The following AGAP1 variants were observed in gnomAD, a reference collection of about 807,000 sequenced individuals.
The protein encoded by AGAP1 is ArfGAP with GTPase domain, ankyrin repeat and PH domain 1.
AGAP1 carries 29 observed loss-of-function variants against 105.3 expected under a neutral mutation model. The ratio of observed to expected loss-of-function variants is 0.28; its 90% CI spans 0.21 to 0.38. The LOEUF (loss-of-function observed/expected upper bound fraction) is 0.38. Ranked by LOEUF, AGAP1 falls within the 10% of genes least tolerant of loss-of-function variation. AGAP1 has a pLI of 1.00. For synonymous variants in AGAP1, 509 were observed against 485.9 expected (o/e 1.05, Z -0.63); for missense variants, 998 against 1,165.1 (o/e 0.86, Z 2.09).
intron 1 of AGAP1, among the ~76,000 whole-genome samples, chr2:235,605,001 C>T (rs1268780673): frequency 2.0e-5 from 3 of 152,078 alleles, no homozygotes; most frequent in Non-Finnish European, 4.4e-5. Flanking sequence ...GTGCCTCAGC[C>T]TCCCAAGTAG....
chr2:235,623,307 G>A lies in AGAP1; in HGVS notation c.164-85872G>A, dbSNP rs547567062. ...TGTTGGGCATGTCAAATGAATCTGGGCGTTAGCCTACAAATCAAGATTTGC... is the reference window on the plus strand; with the variant it reads ...TGTTGGGCATGTCAAATGAATCTGGACGTTAGCCTACAAATCAAGATTTGC... On this transcript the variant is annotated intron_variant, in intron 1 of 17. Coordinates refer to ENST00000304032, the MANE Select transcript of AGAP1 (RefSeq NM_001037131.3). This position sits in a 1 kb window ranked among gnomAD's most constrained non-coding sequence, Gnocchi z 4.5. Among the ~76,000 whole-genome samples the A allele has an allele frequency of 5.3e-5, 8 of 152,320 alleles. No homozygotes were observed. In the East Asian group the frequency reaches 1.5e-3, roughly 29 times the overall value.
At chr2:236,091,452 C>T (rs1263014145) in intron 16 of AGAP1, among the ~76,000 whole-genome samples, 2 of 152,156 alleles carry the variant, frequency 1.3e-5, no homozygotes, top group Non-Finnish European at 2.9e-5. Context: ...CCAGCAGGTG[C>T]ACTATTAGGC....
chr2:235,725,795 ATG>A lies in AGAP1; in HGVS notation c.310+8158_310+8159del, dbSNP rs1172058061. Among the ~76,000 whole-genome samples the A allele has an allele frequency of 1.3e-5, 2 of 152,166 alleles. No individual in the cohort carries two copies. Among genetic ancestry groups the A allele is most frequent in the African/African-American group, 4.8e-5 (2 of 41,418 alleles). On this transcript the variant is annotated intron_variant, in intron 3 of 17. Coordinates refer to ENST00000304032, the MANE Select transcript of AGAP1 (RefSeq NM_001037131.3). The surrounding 1 kb of genome is among the most constrained non-coding windows in gnomAD (Gnocchi z 5.7). ...CATTCCCCTTTGTTCTTGTCTTCCT[ATG>A]TGTGTGACAGTCCCTAACTTGACCC...
rs2149270995 is a variant in AGAP1, at chr2:235,621,486, T to TA, written c.164-87692dup. On this transcript the variant is annotated intron_variant, in intron 1 of 17. Transcript: ENST00000304032. The surrounding 1 kb of genome is among the most constrained non-coding windows in gnomAD (Gnocchi z 4.1). ...CTGCCATTGGCGTTGGCACCATTCT[T>TA]ACCTCCTATACCTACGAGGCTGTCA... 6.6e-6 allele frequency among the ~76,000 whole-genome samples: 1 copy of TA among 152,330 alleles called. No homozygotes were observed. The highest frequency in any genetic ancestry group is 1.9e-4 in the East Asian group (1 of 5,170).
intron 12 of AGAP1, among the ~76,000 whole-genome samples, chr2:235,937,990 G>A (rs779872319): frequency 6.6e-6 from 1 of 152,260 alleles, no homozygotes; most frequent in Non-Finnish European, 1.5e-5. Context: ...CCCAAAGAAA[G>A]GAAAGCCGGT....
Position 235,908,744 on chromosome 2 carries a change from A to C in AGAP1, c.1162A>C (p.Met388Leu). 1 of 1,607,078 alleles carries C rather than the reference A, an allele frequency of 6.2e-7. No individual in the cohort carries two copies. Among genetic ancestry groups the C allele is most frequent in the South Asian group, 1.1e-5 (1 of 90,694 alleles). ...TGTTTAACATTTTCAACAGGATTAC[A>C]TGCAGAATGTTCATGGTAAGGAGAT... ...LTYHPSLHDYMQNVHGKEIDL... is the reference protein window; with the variant it reads ...LTYHPSLHDYLQNVHGKEIDL... The change falls in exon 11 of 18, where the codon ATG becomes CTG. Residue 388 changes from methionine (M) to leucine (L), a missense_variant. Around this residue, in one of 3 missense-constraint regions of AGAP1, gnomAD observed 735 missense variants for 833.4 expected, o/e 0.88. Coordinates refer to ENST00000304032, the MANE Select transcript of AGAP1 (RefSeq NM_001037131.3). The surrounding 1 kb of genome is among the most constrained non-coding windows in gnomAD (Gnocchi z 4.4).
rs1192332560 is a variant in AGAP1 at position 235,610,635 on chromosome 2, AC to A, written c.164-98543del. Among the ~76,000 whole-genome samples, 1 of 152,112 alleles carries A rather than the reference AC, an allele frequency of 6.6e-6. No homozygotes were observed. Among genetic ancestry groups the A allele is most frequent in the Admixed American group, 6.5e-5 (1 of 15,272 alleles). Reference sequence around the variant, plus strand: ...TCGCATTGGGGGTTGAGCTTTAAATACAAATTTCAGGAGAGCTCAATACAGC... The same window carrying A: ...TCGCATTGGGGGTTGAGCTTTAAATAAAATTTCAGGAGAGCTCAATACAGC... On this transcript the variant is annotated intron_variant, in intron 1 of 17. Transcript: ENST00000304032. This position sits in a 1 kb window ranked among gnomAD's most constrained non-coding sequence, Gnocchi z 4.9.
At chr2:235,679,663 T>C (rs528123345) in intron 1 of AGAP1, among the ~76,000 whole-genome samples, 1 of 152,342 alleles carries the variant, frequency 6.6e-6, no homozygotes, top group South Asian at 2.1e-4. Flanking sequence ...TTTGGACAGC[T>C]AGTCTGAGTG....
chr2:235,942,269 C>G (rs536705247), intron 12 of AGAP1, among the ~76,000 whole-genome samples: 1 of 152,098 alleles, frequency 6.6e-6, no homozygotes, highest in East Asian at 1.9e-4. Flanking sequence ...CCAGTAGCCA[C>G]GGGTAGAGCC....
In AGAP1 at chr2:235,714,811, T is replaced by C. The variant is rs1236364444; in HGVS notation, c.223-2746T>C. 6.6e-6 allele frequency among the ~76,000 whole-genome samples: 1 copy of C among 152,186 alleles called. No individual in the cohort carries two copies. The highest frequency in any genetic ancestry group is 1.5e-5 in the Non-Finnish European group (1 of 68,016). On this transcript the variant is annotated intron_variant, in intron 2 of 17. Coordinates refer to ENST00000304032, the MANE Select transcript of AGAP1 (RefSeq NM_001037131.3). The surrounding 1 kb of genome is among the most constrained non-coding windows in gnomAD (Gnocchi z 4.1). ...TTCTTTTTTGTTGTTGTTTTTGTTT[T>C]GTTTTGAGACAGAGTCTCGCTCTGT...
chr2:235,995,500 C>T (rs2055770518), intron 13 of AGAP1, among the ~76,000 whole-genome samples: 1 of 152,016 alleles, frequency 6.6e-6, no homozygotes. Context: ...GGTGACAGGG[C>T]AAGACTGTGA....
In AGAP1 at chr2:236,042,651, C is replaced by A. The variant is rs140917482; in HGVS notation, c.1891+1810C>A. ...TCCGTGGCTTGCGGGGACCATGATA[C>A]CTGGCAAATCGGAGGTCGCAGGTCC... On this transcript the variant is annotated intron_variant, in intron 15 of 17. Coordinates refer to ENST00000304032, the MANE Select transcript of AGAP1 (RefSeq NM_001037131.3). This position sits in a 1 kb window ranked among gnomAD's most constrained non-coding sequence, Gnocchi z 5.6. 6.6e-6 allele frequency among the ~76,000 whole-genome samples: 1 copy of A among 152,066 alleles called. No individual in the cohort carries two copies. The highest frequency in any genetic ancestry group is 2.4e-5 in the African/African-American group (1 of 41,412).
chr2:236,081,509 T>C (rs2058781652), intron 16 of AGAP1, among the ~76,000 whole-genome samples: 1 of 152,188 alleles, frequency 6.6e-6, no homozygotes, highest in Admixed American at 6.5e-5. Flanking sequence ...TCTGACCACT[T>C]GCAGACAGAA....
At chr2:235,860,752 T>G (rs964477657) in intron 9 of AGAP1, among the ~76,000 whole-genome samples, 1 of 152,230 alleles carries the variant, frequency 6.6e-6, no homozygotes, top group African/African-American at 2.4e-5. Flanking sequence ...TATTCAGCCG[T>G]TCTTTTTTGA....
At chr2:235,500,702 T>C (rs1207813416) in intron 1 of AGAP1, among the ~76,000 whole-genome samples, 1 of 152,164 alleles carries the variant, frequency 6.6e-6, no homozygotes, top group Non-Finnish European at 1.5e-5. Context: ...TCATGTGATC[T>C]TCATGATGCT....
chr2:235,670,014 C>G (rs1289225147), intron 1 of AGAP1: 5 of 326,756 alleles, frequency 1.5e-5, no homozygotes, highest in Non-Finnish European at 2.7e-5. Flanking sequence ...GCCACACTCC[C>G]GGCCCGCCTG....
chr2:235,561,127 C>T (rs975380494), intron 1 of AGAP1, among the ~76,000 whole-genome samples: 5 of 152,176 alleles, frequency 3.3e-5, no homozygotes, highest in African/African-American at 1.2e-4. Context: ...TGTTGGCTTC[C>T]ATAGGGTCAC....
At position 236,113,696 on chromosome 2, in the gene AGAP1, G is replaced by A. The variant is rs754738669; in HGVS notation, c.2115-6496G>A. Among the ~76,000 whole-genome samples, 18 of 152,104 alleles carry A rather than the reference G, an allele frequency of 1.2e-4. No individual in the cohort carries two copies. Among genetic ancestry groups the A allele is most frequent in the Non-Finnish European group, 2.5e-4 (17 of 68,018 alleles). ...CCAAGTCACCACCCCTCAAGGTCAGGTGCGGCAAAGCCCGTCAGGCAGCAA... is the reference window on the plus strand; with the variant it reads ...CCAAGTCACCACCCCTCAAGGTCAGATGCGGCAAAGCCCGTCAGGCAGCAA... On this transcript the variant is annotated intron_variant, in intron 16 of 17. Coordinates refer to ENST00000304032, the MANE Select transcript of AGAP1 (RefSeq NM_001037131.3). This position sits in a 1 kb window ranked among gnomAD's most constrained non-coding sequence, Gnocchi z 4.3.
At chr2:236,094,639 C>T (rs1342299772) in intron 16 of AGAP1, among the ~76,000 whole-genome samples, 2 of 152,076 alleles carry the variant, frequency 1.3e-5, no homozygotes, top group African/African-American at 4.8e-5. Flanking sequence ...GGCATGAGCA[C>T]TGCGCCCAGT....
Sources: gnomAD v4.1 joint callset for allele counts (sites outside exome capture counted in the v4.1 genomes callset) on GRCh38, gnomAD v4.1.1 for gene constraint, gnomAD v4.1.1 regional missense constraint, Gnocchi (gnomAD v3.1) non-coding constraint, MANE v1.5 for transcripts, NCBI Gene and HGNC (gene_info 2026-07-23, HGNC 2026-07-21) for gene names.